STAT4: variants seen among roughly 807,000 people sequenced by gnomAD.
The protein encoded by STAT4 is signal transducer and activator of transcription 4.
STAT4 carries 42 observed loss-of-function variants against 110.5 expected under a neutral mutation model. The ratio of observed to expected loss-of-function variants is 0.38; its 90% CI spans 0.30 to 0.49. STAT4 has a LOEUF of 0.49. Among genes scored for constraint, STAT4 ranks in the 20% least tolerant of loss-of-function variants. The probability of loss-of-function intolerance (pLI) is 0.95; values close to 1 mark genes in which losing one functional copy is unlikely to be tolerated. For missense variants in STAT4, 632 were observed against 887.9 expected (o/e 0.71, Z 3.66); for synonymous variants, 284 against 302.2 (o/e 0.94, Z 0.63).
chr2:191,057,483 A>T (rs1330289275), intron 13 of STAT4, among the ~76,000 whole-genome samples: 1 of 151,744 alleles, frequency 6.6e-6, no homozygotes, highest in Non-Finnish European at 1.5e-5. Context: ...ATTGTTTAGA[A>T]CTCAGACCTT....
rs1234401556 is a variant in STAT4 at position 191,058,437 on chromosome 2, A to G, written c.1095-218T>C. ...CTCAGCCTCCTGAGTAGCTGGGATT[A>G]CAGGCATGAGCCGCCGCACCCGGTC... On this transcript the variant is annotated intron_variant, in intron 11 of 23. Coordinates refer to ENST00000392320, the MANE Select transcript of STAT4 (RefSeq NM_003151.4). The surrounding 1 kb of genome is among the most constrained non-coding windows in gnomAD (Gnocchi z 4.3). 6.6e-6 allele frequency among the ~76,000 whole-genome samples: 1 copy of G among 152,176 alleles called. No individual in the cohort carries two copies. The highest frequency in any genetic ancestry group is 2.4e-5 in the African/African-American group (1 of 41,428).
At position 191,062,910 on chromosome 2, in the gene STAT4, A is replaced by G; in HGVS notation, c.793T>C (p.Leu265=). 6.2e-7 allele frequency: 1 copy of G among 1,613,590 alleles called. No individual in the cohort carries two copies. The highest frequency in any genetic ancestry group is 1.1e-5 in the South Asian group (1 of 91,068). Reference sequence around the variant, plus strand: ...CTCAGTTGGAAAAGACTTTCTGCCAATAGTGTAAAGCTATTGAACAGAAAA... The same window carrying G: ...CTCAGTTGGAAAAGACTTTCTGCCAGTAGTGTAAAGCTATTGAACAGAAAA... ...LDQLQNCFTL[L]AESLFQLRRQ... Residue 265 remains leucine (L), a synonymous_variant, in exon 9 of 24, where the codon TTG becomes CTG. Transcript: ENST00000392320. This position sits in a 1 kb window ranked among gnomAD's most constrained non-coding sequence, Gnocchi z 4.9.
chr2:191,034,638 G>A (rs756723247), intron 17 of STAT4, 41 bp from the exon 18 acceptor site: 1 of 1,417,572 alleles, frequency 7.1e-7, no homozygotes, highest in Non-Finnish European at 1.0e-6. Flanking sequence ...ACTGGACAAT[G>A]AGATGCTTCA....
chr2:191,151,588 C>G, upstream of STAT4: 1 of 985,588 alleles, frequency 1.0e-6, no homozygotes, highest in Non-Finnish European at 1.2e-6. This position sits in a 1 kb window ranked among gnomAD's most constrained non-coding sequence, Gnocchi z 4.7. Flanking sequence ...CTTGAGTAGC[C>G]TTGCCCCTGG....
At chr2:191,078,528 G>A (rs1697375810) in intron 3 of STAT4, among the ~76,000 whole-genome samples, 1 of 152,040 alleles carries the variant, frequency 6.6e-6, no homozygotes, top group African/African-American at 2.4e-5. Flanking sequence ...ACATCTTATG[G>A]AAAATTGATC....
chr2:191,141,527 C>CAT (rs1699331274), intron 3 of STAT4, among the ~76,000 whole-genome samples: 1 of 144,696 alleles, frequency 6.9e-6, no homozygotes, highest in Non-Finnish European at 1.5e-5. Flanking sequence ...ATGTATATCA[C>CAT]ATATACATAT....
chr2:191,100,692 T>C (rs1410773859), intron 3 of STAT4, among the ~76,000 whole-genome samples: 1 of 152,116 alleles, frequency 6.6e-6, no homozygotes, highest in Non-Finnish European at 1.5e-5. Flanking sequence ...TAGTCAGATA[T>C]ATCAACCTCT....
At chr2:191,094,639 C>A (rs757370404) in intron 3 of STAT4, among the ~76,000 whole-genome samples, 1 of 152,026 alleles carries the variant, frequency 6.6e-6, no homozygotes, top group Non-Finnish European at 1.5e-5. Context: ...CAAAAACATG[C>A]CAAATTGTGA....
rs962514208 is a variant in STAT4 at position 191,062,235 on chromosome 2, C to G, written c.942-414G>C. On this transcript the variant is annotated intron_variant, in intron 9 of 23. Coordinates refer to ENST00000392320, the MANE Select transcript of STAT4 (RefSeq NM_003151.4). This position sits in a 1 kb window ranked among gnomAD's most constrained non-coding sequence, Gnocchi z 4.9. ...ATGCCTGGATACATTTTTTATTTTT[C>G]TGTAGAGATGGGGGTCTTTTTATGC... Among the ~76,000 whole-genome samples, 1 of 151,720 alleles carries G rather than the reference C, an allele frequency of 6.6e-6. No individual in the cohort carries two copies. Among genetic ancestry groups the G allele is most frequent in the Non-Finnish European group, 1.5e-5 (1 of 67,902 alleles).
At position 191,147,931 on chromosome 2, in the gene STAT4, G is replaced by A; in HGVS notation, c.128+145C>T. On this transcript the variant is annotated intron_variant, in intron 2 of 23. Coordinates refer to ENST00000392320, the MANE Select transcript of STAT4 (RefSeq NM_003151.4). The surrounding 1 kb of genome is among the most constrained non-coding windows in gnomAD (Gnocchi z 4.1). ...GAAAGGACAATTATTCCCCTTCTTT[G>A]GGAAGGCTTTCAAATCCTTGAGAAA... The A allele has an allele frequency of 1.8e-6, 2 of 1,093,808 alleles. No individual in the cohort carries two copies. The highest frequency in any genetic ancestry group is 2.5e-6 in the Non-Finnish European group (2 of 785,178). 67.8% of individuals were successfully genotyped at this position (1,093,808 alleles called of 1,614,324 possible).
Position 191,046,939 on chromosome 2 carries a change from G to A in STAT4, c.1252-5791C>T, listed in dbSNP as rs1559042738. 6.6e-6 allele frequency among the ~76,000 whole-genome samples: 1 copy of A among 152,144 alleles called. No homozygotes were observed. Among genetic ancestry groups the A allele is most frequent in the Non-Finnish European group, 1.5e-5 (1 of 68,018 alleles). On this transcript the variant is annotated intron_variant, in intron 14 of 23. Transcript: ENST00000392320. The surrounding 1 kb of genome is among the most constrained non-coding windows in gnomAD (Gnocchi z 4.6). Reference sequence around the variant, plus strand: ...GTGGGCTTCTAAATAGCCTCAGGATGAGAGTTGGTTGCTAGGGGAACCAAT... The same window carrying A: ...GTGGGCTTCTAAATAGCCTCAGGATAAGAGTTGGTTGCTAGGGGAACCAAT...
chr2:191,093,185 G>A (rs1012431243), intron 3 of STAT4, among the ~76,000 whole-genome samples: 3 of 152,220 alleles, frequency 2.0e-5, no homozygotes, highest in African/African-American at 7.2e-5. Flanking sequence ...CAGCTCTGAA[G>A]AGAGCAGTGG....
In STAT4 at chr2:191,146,717, G is replaced by A; in HGVS notation, c.169C>T (p.Leu57Phe). 3 of 1,577,574 alleles carry A rather than the reference G, an allele frequency of 1.9e-6. No homozygotes were observed. The highest frequency in any genetic ancestry group is 2.6e-6 in the Non-Finnish European group (3 of 1,163,628). Residue 57 changes from leucine (L) to phenylalanine (F), a missense_variant, in exon 3 of 24, where the codon CTT (leucine) becomes TTT (phenylalanine). By Grantham distance (22) the Leu-to-Phe change is conservative. Coordinates refer to ENST00000392320, the MANE Select transcript of STAT4 (RefSeq NM_003151.4). This position sits in a 1 kb window ranked among gnomAD's most constrained non-coding sequence, Gnocchi z 4.5. ...TCCAGTTGTATTAACAAGTTTTGAA[G>A]AAGAATCGTTGCCATGGTTTCATTG... ...SNNETMATILLQNLLIQLDEQ... is the reference protein window; with the variant it reads ...SNNETMATILFQNLLIQLDEQ...
chr2:191,061,089 CTG>C lies in STAT4; in HGVS notation c.1034+638_1034+639del, dbSNP rs996253302. 6.6e-6 allele frequency among the ~76,000 whole-genome samples: 1 copy of C among 152,160 alleles called. No homozygotes were observed. The highest frequency in any genetic ancestry group is 2.4e-5 in the African/African-American group (1 of 41,422). ...TTGTTCTCAGCATCATTAGGGAAAA[CTG>C]TAAGTTTTGACGCTAATGCTAATAG... On this transcript the variant is annotated intron_variant, in intron 10 of 23. Transcript: ENST00000392320. The surrounding 1 kb of genome is among the most constrained non-coding windows in gnomAD (Gnocchi z 6.2).
chr2:191,092,577 G>C (rs900582757), intron 3 of STAT4, among the ~76,000 whole-genome samples: 1 of 152,032 alleles, frequency 6.6e-6, no homozygotes, highest in African/African-American at 2.4e-5. Flanking sequence ...ACTCTTAGAG[G>C]TTCCAAGATG....
Position 191,062,982 on chromosome 2 carries a change from A to T in STAT4, c.783-62T>A. The T allele has an allele frequency of 7.0e-7, 1 of 1,429,512 alleles. No individual in the cohort carries two copies. The allele number at this position is 1,429,512 out of a possible 1,614,324, so 88.6% of individuals were successfully genotyped here. ...CCACTTAATAATAAAAAAGCATTGT[A>T]ACAATGGGTCATAGTTAATAAACAT... On this transcript the variant is annotated intron_variant, in intron 8 of 23. Coordinates refer to ENST00000392320, the MANE Select transcript of STAT4 (RefSeq NM_003151.4). The surrounding 1 kb of genome is among the most constrained non-coding windows in gnomAD (Gnocchi z 4.9).
chr2:191,115,793 G>A (rs939838487), intron 3 of STAT4, among the ~76,000 whole-genome samples: 2 of 152,156 alleles, frequency 1.3e-5, no homozygotes, highest in Non-Finnish European at 2.9e-5. Context: ...CATAGACAGT[G>A]AAGAATAAAT....
At position 191,060,409 on chromosome 2, in the gene STAT4, T is replaced by A. The variant is rs983472188; in HGVS notation, c.1034+1320A>T. Among the ~76,000 whole-genome samples, 2 of 152,190 alleles carry A rather than the reference T, an allele frequency of 1.3e-5. No individual in the cohort carries two copies. The highest frequency in any genetic ancestry group is 2.9e-5 in the Non-Finnish European group (2 of 68,036). ...TTGAGAAGAATGCTTATTTTTTATT[T>A]TACTTTATTATTCTGTTTTATTTTT... On this transcript the variant is annotated intron_variant, in intron 10 of 23. Transcript: ENST00000392320. This position sits in a 1 kb window ranked among gnomAD's most constrained non-coding sequence, Gnocchi z 4.5.
chr2:191,069,118 T>C (rs1336059755), intron 6 of STAT4, among the ~76,000 whole-genome samples: 1 of 152,040 alleles, frequency 6.6e-6, no homozygotes, highest in Admixed American at 6.6e-5. Flanking sequence ...AATAAATACA[T>C]AGATGTGTAT....
Sources: gnomAD v4.1 joint callset for allele counts (sites outside exome capture counted in the v4.1 genomes callset) on GRCh38, gnomAD v4.1.1 for gene constraint, Gnocchi (gnomAD v3.1) non-coding constraint, MANE v1.5 for transcripts, NCBI Gene and HGNC (gene_info 2026-07-23, HGNC 2026-07-21) for gene names.